The following CERT1 variants were observed in gnomAD, a reference collection of about 807,000 sequenced individuals.
CERT1 encodes ceramide transfer protein.
CERT1 carries 31 observed loss-of-function variants against 87.9 expected under a neutral mutation model. The observed-to-expected ratio is 0.35, with a 90% CI of 0.27 to 0.48. CERT1 has a LOEUF of 0.48. Among genes scored for constraint, CERT1 ranks in the 20% least tolerant of loss-of-function variants. The pLI is 0.99. For missense variants in CERT1, 487 were observed against 758.0 expected (o/e 0.64, Z 4.20); for synonymous variants, 289 against 250.9 (o/e 1.15, Z -1.44).
chr5:75,388,599 CATATATATAT>C (rs59799780), intron 12 of CERT1, among the ~76,000 whole-genome samples: 6,902 of 91,682 alleles, frequency 0.075, 350 homozygotes, highest in East Asian at 0.13. Context: ...AGCATGCATG[CATATATATAT>C]ATATATATAT....
At chr5:75,375,659 AATATAT>A (rs752562788), downstream of CERT1, 17 of 147,392 alleles carry the variant, frequency 1.2e-4, no homozygotes, top group African/African-American at 3.4e-4. Context: ...TATTATATAT[AATATAT>A]ATATAAAGTT....
chr5:75,397,122 A>G (rs1419566391), intron 11 of CERT1, among the ~76,000 whole-genome samples: 2 of 152,246 alleles, frequency 1.3e-5, no homozygotes, highest in Non-Finnish European at 2.9e-5. Context: ...TGCTGAACAT[A>G]AGGCACACAA....
chr5:75,428,932 C>A (rs1367885836), intron 3 of CERT1, among the ~76,000 whole-genome samples: 1 of 151,794 alleles, frequency 6.6e-6, no homozygotes, highest in Non-Finnish European at 1.5e-5. Context: ...CATTTTGTTT[C>A]TTATCAAATA....
At chr5:75,393,170 TGAA>T (rs1051662469) in intron 11 of CERT1, among the ~76,000 whole-genome samples, 1 of 151,774 alleles carries the variant, frequency 6.6e-6, no homozygotes, top group African/African-American at 2.4e-5. Flanking sequence ...TCAAAAACAT[TGAA>T]GAAGGTGAAC....
chr5:75,458,369 G>A (rs1484631453), intron 3 of CERT1, among the ~76,000 whole-genome samples: 1 of 151,900 alleles, frequency 6.6e-6, no homozygotes, highest in Admixed American at 6.6e-5. Flanking sequence ...TACCCAAAAA[G>A]TTATAACAAA....
At chr5:75,404,782 G>A (rs1580724075) in intron 8 of CERT1, among the ~76,000 whole-genome samples, 2 of 152,024 alleles carry the variant, frequency 1.3e-5, no homozygotes, top group Middle Eastern at 3.2e-3. Flanking sequence ...ACCAAGGAGG[G>A]GAGATCACAT....
At chr5:75,420,138 A>G (rs953173881) in intron 5 of CERT1, among the ~76,000 whole-genome samples, 10 of 150,794 alleles carry the variant, frequency 6.6e-5, no homozygotes, top group Middle Eastern at 3.5e-3. Flanking sequence ...CACCACAGCC[A>G]GCTAATATTT....
At chr5:75,466,723 A>G (rs1322386529) in intron 2 of CERT1, among the ~76,000 whole-genome samples, 2 of 152,186 alleles carry the variant, frequency 1.3e-5, no homozygotes, top group African/African-American at 4.8e-5. Context: ...TTTTCTTCTG[A>G]GTCCCACCTC....
At chr5:75,427,467 C>G (rs1308054973) in intron 3 of CERT1, among the ~76,000 whole-genome samples, 1 of 152,038 alleles carries the variant, frequency 6.6e-6, no homozygotes, top group African/African-American at 2.4e-5. Context: ...GGCATGGTGG[C>G]GGGCACCTGT....
chr5:75,374,136 CT>C (rs545323650), downstream of CERT1: 32 of 344,644 alleles, frequency 9.3e-5, no homozygotes, highest in South Asian at 2.8e-4. Context: ...GAGCATTCAG[CT>C]TTTTTTTTTC....
At chr5:75,492,097 T>C (rs893718511) in intron 2 of CERT1, among the ~76,000 whole-genome samples, 15 of 152,142 alleles carry the variant, frequency 9.9e-5, no homozygotes, top group Admixed American at 6.5e-4. Flanking sequence ...TAATCCCAGC[T>C]GTTCGAGAGG....
intron 8 of CERT1, among the ~76,000 whole-genome samples, chr5:75,407,459 G>A (rs1386252969): frequency 8.8e-5 from 12 of 135,684 alleles, no homozygotes; most frequent in East Asian, 2.1e-4. Flanking sequence ...TTTAAGGTAC[G>A]AAGGAAAAAA....
Position 75,511,450 on chromosome 5 carries a change from CCGCCGT to C in CERT1, c.-249_-244del, listed in dbSNP as rs746786853. On this transcript the variant is annotated 5_prime_UTR_variant, in exon 1 of 17. Coordinates refer to ENST00000643780, the MANE Select transcript of CERT1 (RefSeq NM_001379029.1). The stretch of plus-strand genomic sequence containing the variant: ...CTACCCTTCCAGCCGTCAGCCGCCG[CCGCCGT>C]CGCCGTGACCCCTGCGTTGCGCCCG... 2.0e-6 allele frequency: 3 copies of C among 1,533,128 alleles called. No homozygotes were observed. Among genetic ancestry groups the C allele is most frequent in the Non-Finnish European group, 2.6e-6 (3 of 1,139,378 alleles). 95.0% of individuals were successfully genotyped at this position (1,533,128 alleles called of 1,614,324 possible). A position where few individuals can be genotyped will look rare whatever the true frequency, so the allele number is the denominator to read the frequency against.
intron 3 of CERT1, among the ~76,000 whole-genome samples, chr5:75,432,114 C>T (rs1285328096): frequency 2.7e-5 from 4 of 149,708 alleles, no homozygotes; most frequent in South Asian, 2.2e-4. Context: ...TGCAGTGGCG[C>T]GATCTCAACT....
At chr5:75,455,933 A>AC (rs1239273138) in intron 3 of CERT1, among the ~76,000 whole-genome samples, 1 of 152,246 alleles carries the variant, frequency 6.6e-6, no homozygotes, top group Non-Finnish European at 1.5e-5. Context: ...AGAAAATAAA[A>AC]CACATAAAGC....
intron 3 of CERT1, among the ~76,000 whole-genome samples, chr5:75,426,948 C>T (rs770693917): frequency 3.3e-4 from 50 of 152,292 alleles, no homozygotes; most frequent in Non-Finnish European, 4.3e-4. Flanking sequence ...TGTATTCTCA[C>T]CCATTCTTAA....
intron 2 of CERT1, among the ~76,000 whole-genome samples, chr5:75,496,785 C>T (rs1164220076): frequency 6.6e-6 from 1 of 152,082 alleles, no homozygotes; most frequent in African/African-American, 2.4e-5. Context: ...AGGTTGGGGA[C>T]ACAGAGGGTA....
At chr5:75,381,338 A>T in intron 15 of CERT1, 137 bp from the exon 16 acceptor site, 1 of 967,456 alleles carries the variant, frequency 1.0e-6, no homozygotes, top group Non-Finnish European at 1.5e-6. Context: ...CCAAGCTGAT[A>T]TGACACCAGG....
intron 8 of CERT1, among the ~76,000 whole-genome samples, chr5:75,405,486 G>T (rs1287830239): frequency 6.6e-6 from 1 of 152,108 alleles, no homozygotes; most frequent in East Asian, 1.9e-4. Context: ...TAATATAGAA[G>T]ACTTCCTCAT....
Sources: gnomAD v4.1 joint callset for allele counts (sites outside exome capture counted in the v4.1 genomes callset) on GRCh38, gnomAD v4.1.1 for gene constraint, MANE v1.5 for transcripts, NCBI Gene and HGNC (gene_info 2026-07-23, HGNC 2026-07-21) for gene names.